CEP89: variants seen among roughly 807,000 people sequenced by gnomAD.
CEP89 encodes centrosomal protein 89.
CEP89 carries 95 observed loss-of-function variants against 97.6 expected under a neutral mutation model. The ratio of observed to expected loss-of-function variants is 0.97; its 90% CI spans 0.82 to 1.15. CEP89 has a LOEUF of 1.15. Ranked by LOEUF, CEP89 falls within the 50% of genes most tolerant of loss-of-function variation. The pLI, the probability that CEP89 is intolerant of heterozygous loss-of-function variation, is 0.00. For synonymous variants in CEP89, 354 were observed against 349.1 expected (o/e 1.01, Z -0.16); for missense variants, 869 against 947.7 (o/e 0.92, Z 1.09).
chr19:32,882,010 A>T lies in CEP89; in HGVS notation c.1969T>A (p.Tyr657Asn). 6.4e-7 allele frequency: 1 copy of T among 1,566,088 alleles called. No homozygotes were observed. The highest frequency in any genetic ancestry group is 1.2e-5 in the South Asian group (1 of 85,510). Residue 657 changes from tyrosine (Y) to asparagine (N), a missense_variant, in exon 18 of 19, where the codon TAC becomes AAC. Physicochemically the swap from Tyr to Asn is moderately radical, Grantham distance 143. Transcript: ENST00000305768. Reference protein sequence around the residue: ...LGKLEEKVKGYKKQAALKLGD... With the variant: ...LGKLEEKVKGNKKQAALKLGD... The stretch of plus-strand genomic sequence containing the variant: ...AGCTTCAGTGCTGCCTGCTTCTTGT[A>T]GCCCTGGTCGGGGGAAGGACTCTGT...
chr19:32,966,958 C>T lies in CEP89; in HGVS notation c.40-492G>A, dbSNP rs373804588. Among the ~76,000 whole-genome samples, 59 of 152,230 alleles carry T rather than the reference C, an allele frequency of 3.9e-4. No individual in the cohort carries two copies. In the Middle Eastern group the frequency reaches 0.01, roughly 26 times the overall value. On this transcript the variant is annotated intron_variant, in intron 1 of 18. Transcript: ENST00000305768. ...CTCCCGCTTCAGCCACACGAGTAGA[C>T]GGGACTACAGATGTTCACCACCATG... is the stretch of plus-strand genomic sequence containing the variant.
intron 10 of CEP89, 115 bp from the exon 11 acceptor site, chr19:32,926,388 G>T: frequency 2.6e-6 from 2 of 774,112 alleles, no homozygotes; most frequent in Non-Finnish European, 2.2e-6. Context: ...GGTTGCAGTT[G>T]TTATTGTTTT....
At chr19:32,918,689 T>C (rs979692086) in intron 12 of CEP89, among the ~76,000 whole-genome samples, 2 of 152,154 alleles carry the variant, frequency 1.3e-5, no homozygotes, top group Non-Finnish European at 2.9e-5. Flanking sequence ...CCTCTAGTCC[T>C]GCTGCCCACT....
At chr19:32,963,904 ACACACACACACACACG>A (rs1207319880) in intron 2 of CEP89, 1 of 147,814 alleles carries the variant, frequency 6.8e-6, no homozygotes, top group Non-Finnish European at 1.5e-5. Context: ...ACACACACAC[ACACACACACACACACG>A]CACTCACACG....
At chr19:32,963,750 C>G (rs1008017201) in intron 2 of CEP89, 9 of 152,202 alleles carry the variant, frequency 5.9e-5, no homozygotes, top group Non-Finnish European at 1.0e-4. Context: ...TATCTGTGTA[C>G]CACTGTCCAG....
intron 12 of CEP89, among the ~76,000 whole-genome samples, chr19:32,921,424 C>T (rs577892698): frequency 6.6e-6 from 1 of 152,142 alleles, no homozygotes; most frequent in Non-Finnish European, 1.5e-5. Context: ...AGGCTGGCGG[C>T]CAGGGAGGCC....
At chr19:32,958,348 A>C (rs1393759633) in intron 3 of CEP89, among the ~76,000 whole-genome samples, 2 of 152,218 alleles carry the variant, frequency 1.3e-5, no homozygotes, top group African/African-American at 2.4e-5. Context: ...AAAAATGGAT[A>C]GATTTTACTA....
chr19:32,912,365 TTAAA>T (rs1281184851), intron 14 of CEP89, among the ~76,000 whole-genome samples: 1 of 152,142 alleles, frequency 6.6e-6, no homozygotes, highest in Non-Finnish European at 1.5e-5. Context: ...TCAGTTGACT[TTAAA>T]TAAAGGAGAT....
intron 9 of CEP89, among the ~76,000 whole-genome samples, chr19:32,928,389 T>C (rs1038097077): frequency 2.0e-5 from 3 of 152,040 alleles, no homozygotes; most frequent in Non-Finnish European, 2.9e-5. Flanking sequence ...CTCTCTCTCT[T>C]TTTCTTTCAA....
intron 9 of CEP89, among the ~76,000 whole-genome samples, chr19:32,930,947 G>A (rs538770338): frequency 7.2e-5 from 11 of 152,020 alleles, no homozygotes; most frequent in South Asian, 2.1e-4. Context: ...GTGTAGTGGC[G>A]CAATCTCAGC....
intron 5 of CEP89, among the ~76,000 whole-genome samples, chr19:32,945,943 T>C (rs1970788631): frequency 6.6e-6 from 1 of 152,152 alleles, no homozygotes; most frequent in East Asian, 1.9e-4. Context: ...CTACATCCTC[T>C]CCAGGAAGGT....
intron 5 of CEP89, among the ~76,000 whole-genome samples, chr19:32,945,795 G>A (rs982419216): frequency 2.6e-5 from 4 of 152,154 alleles, no homozygotes; most frequent in East Asian, 1.9e-4. Context: ...GATTTCATGC[G>A]CAGATCCTTT....
chr19:32,901,218 C>T, intron 15 of CEP89, 27 bp downstream of exon 15: 1 of 1,601,356 alleles, frequency 6.2e-7, no homozygotes, highest in Non-Finnish European at 8.5e-7. Flanking sequence ...AAAATAAAAG[C>T]AACTTAAAGG....
intron 12 of CEP89, among the ~76,000 whole-genome samples, chr19:32,922,053 T>C (rs16967583): frequency 0.043 from 6,591 of 152,256 alleles, 507 homozygotes; most frequent in African/African-American, 0.15. Flanking sequence ...ATGTACTTTC[T>C]CTAATTCAGT....
intron 14 of CEP89, among the ~76,000 whole-genome samples, chr19:32,908,917 G>A (rs572932104): frequency 6.6e-6 from 1 of 152,318 alleles, no homozygotes; most frequent in African/African-American, 2.4e-5. Context: ...GCCTCGAGGT[G>A]TGGTGTGTAT....
Position 32,881,918 on chromosome 19 carries a change from C to T in CEP89, c.2061G>A (p.Arg687=), listed in dbSNP as rs1197595061. The T allele has an allele frequency of 6.2e-7, 1 of 1,605,480 alleles. No individual in the cohort carries two copies. The highest frequency in any genetic ancestry group is 8.5e-7 in the Non-Finnish European group (1 of 1,177,528). The change falls in exon 18 of 19, where the codon CGG becomes CGA. Residue 687 remains arginine, a synonymous_variant. Transcript: ENST00000305768. ...EDFAGKTAQY[R]QEMRHLHQVL... The stretch of plus-strand genomic sequence containing the variant: ...CCTGGTGCAGGTGCCGCATCTCCTG[C>T]CGGTACTGGGCTGTCTTGCCGGCGA...
chr19:32,957,025 T>C (rs1241074800), intron 3 of CEP89, among the ~76,000 whole-genome samples: 3 of 152,222 alleles, frequency 2.0e-5, no homozygotes, highest in Non-Finnish European at 2.9e-5. Context: ...TTCCTTCCCC[T>C]TTGAGCTGTG....
chr19:32,901,429 T>C lies in CEP89; in HGVS notation c.1566-17A>G. On this transcript the variant is annotated splice_polypyrimidine_tract_variant and intron_variant, in intron 14 of 18. Coordinates refer to ENST00000305768, the MANE Select transcript of CEP89 (RefSeq NM_032816.5). ...TGTAATTGGCTGAAGGACAAAAACA[T>C]TACATGCTCGTATCCAGCACAATGA... is the stretch of plus-strand genomic sequence containing the variant. 6.2e-7 allele frequency: 1 copy of C among 1,609,394 alleles called. No homozygotes were observed. The highest frequency in any genetic ancestry group is 8.5e-7 in the Non-Finnish European group (1 of 1,178,538).
rs1049725862 is a variant in CEP89 at position 32,902,561 on chromosome 19, G to A, written c.1566-1149C>T. Among the ~76,000 whole-genome samples the A allele has an allele frequency of 3.3e-5, 5 of 152,174 alleles. 1 individual carries two copies. Among genetic ancestry groups the A allele is most frequent in the Non-Finnish European group, 7.3e-5 (5 of 68,032 alleles). On this transcript the variant is annotated intron_variant, in intron 14 of 18. Transcript: ENST00000305768. Reference sequence around the variant, plus strand: ...CAAAACAGAAGAAACAACAGTTTTCGGACTTTGGACAACAGGCGAGGCAGG... The same window carrying A: ...CAAAACAGAAGAAACAACAGTTTTCAGACTTTGGACAACAGGCGAGGCAGG...
Sources: allele counts gnomAD v4.1 joint callset (sites outside exome capture counted in the v4.1 genomes callset), GRCh38; gene constraint gnomAD v4.1.1; transcripts MANE v1.5; gene names NCBI Gene and HGNC (gene_info 2026-07-23, HGNC 2026-07-21).